The following MYH9 variants were observed in gnomAD, a reference collection of about 807,000 sequenced individuals.
MYH9 encodes myosin heavy chain 9.
In MYH9, 29 loss-of-function variants were observed where a neutral mutation model predicts 241.9. The observed-to-expected ratio is 0.12, with a 90% CI of 0.09 to 0.16. The LOEUF (loss-of-function observed/expected upper bound fraction) is 0.16. Among genes scored for constraint, MYH9 ranks in the 10% least tolerant of loss-of-function variants. MYH9 has a pLI of 1.00. For missense variants in MYH9, 1,803 were observed against 2,595.5 expected, an observed-to-expected ratio of 0.69 and a Z score of 6.63; for synonymous variants, 1,047 against 1,062.6, an observed-to-expected ratio of 0.99 and a Z score of 0.29.
At chr22:36,321,106 C>T (rs2017244038) in intron 7 of MYH9, among the ~76,000 whole-genome samples, 1 of 152,142 alleles carries the variant, frequency 6.6e-6, no homozygotes, top group Non-Finnish European at 1.5e-5. Context: ...GCGCCCACCA[C>T]CACACCCAGC....
At chr22:36,356,151 A>G (rs2017851936) in intron 1 of MYH9, among the ~76,000 whole-genome samples, 1 of 152,184 alleles carries the variant, frequency 6.6e-6, no homozygotes, top group African/African-American at 2.4e-5. Flanking sequence ...GTATGCAAGC[A>G]GCCCCTCTGT....
intron 1 of MYH9, among the ~76,000 whole-genome samples, chr22:36,366,114 GGAGGCA>G (rs1039154464): frequency 6.6e-6 from 1 of 152,088 alleles, no homozygotes; most frequent in African/African-American, 2.4e-5. Flanking sequence ...CTTGAACCTG[GGAGGCA>G]GAATTTGCAG....
chr22:36,296,075 T>C (rs1266357468), intron 25 of MYH9, among the ~76,000 whole-genome samples: 2 of 152,196 alleles, frequency 1.3e-5, no homozygotes, highest in Non-Finnish European at 2.9e-5. Context: ...GGACTTTAGA[T>C]GGTTATGACA....
intron 1 of MYH9, among the ~76,000 whole-genome samples, chr22:36,373,380 C>T (rs2018117722): frequency 6.6e-6 from 1 of 152,120 alleles, no homozygotes; most frequent in African/African-American, 2.4e-5. Context: ...CACTTCCTCC[C>T]AGTGGGTTTT....
chr22:36,290,911 C>T (rs1569534870), intron 31 of MYH9, among the ~76,000 whole-genome samples: 1 of 151,820 alleles, frequency 6.6e-6, no homozygotes, highest in African/African-American at 2.4e-5. Context: ...CTCTGCCTGG[C>T]AACCGCCCCG....
chr22:36,343,811 G>C (rs2017629957), intron 2 of MYH9, among the ~76,000 whole-genome samples: 1 of 152,198 alleles, frequency 6.6e-6, no homozygotes, highest in East Asian at 1.9e-4. Flanking sequence ...TGAATGTTGA[G>C]TGGGGACAAG....
chr22:36,354,889 G>A (rs1295044262), intron 1 of MYH9, among the ~76,000 whole-genome samples: 1 of 150,306 alleles, frequency 6.7e-6, no homozygotes, highest in Non-Finnish European at 1.5e-5. Context: ...TGAGCAGGAT[G>A]TACATGTGAA....
chr22:36,304,218 GC>G (rs1452239366), intron 18 of MYH9, 63 bp from the exon 19 acceptor site: 1 of 1,574,602 alleles, frequency 6.4e-7, no homozygotes, highest in African/African-American at 1.3e-5. Flanking sequence ...TGAAAGGGTG[GC>G]CCAGGCACAG....
intron 21 of MYH9, 33 bp from the exon 22 acceptor site, chr22:36,301,090 C>A (rs749904502): frequency 6.3e-7 from 1 of 1,592,278 alleles, no homozygotes; most frequent in Non-Finnish European, 8.5e-7. Context: ...ACAAGCTCCT[C>A]GCAACACCCT....
At chr22:36,296,778 C>G in intron 25 of MYH9, 65 bp downstream of exon 25, 1 of 1,517,290 alleles carries the variant, frequency 6.6e-7, no homozygotes, top group East Asian at 2.3e-5. Context: ...AGAACTAGGG[C>G]CAGCAGCAAG....
intron 3 of MYH9, among the ~76,000 whole-genome samples, chr22:36,332,193 C>T (rs892664992): frequency 1.3e-5 from 2 of 152,180 alleles, no homozygotes; most frequent in Non-Finnish European, 2.9e-5. Flanking sequence ...AAGAAAGGGC[C>T]GCGACACTCT....
In MYH9 at chr22:36,314,060, C is replaced by T. The variant is rs1393048824; in HGVS notation, c.1554+85G>A. ...AGGGGAGTTAAGACACCTCCACAACCAACACAGAGCTGAGGTGAGGAGCGG... is the reference window on the plus strand; with the variant it reads ...AGGGGAGTTAAGACACCTCCACAACTAACACAGAGCTGAGGTGAGGAGCGG... On this transcript the variant is annotated intron_variant, in intron 13 of 40. Coordinates refer to ENST00000216181, the MANE Select transcript of MYH9 (RefSeq NM_002473.6). 7.3e-6 allele frequency: 11 copies of T among 1,505,454 alleles called. No homozygotes were observed. In the Admixed American group the frequency reaches 1.9e-4, roughly 26 times the overall value. 93.3% of individuals were successfully genotyped at this position (1,505,454 alleles called of 1,614,324 possible). A position where few individuals can be genotyped will look rare whatever the true frequency, so the allele number is the denominator to read the frequency against.
chr22:36,377,631 C>T (rs990342561), intron 1 of MYH9, among the ~76,000 whole-genome samples: 1 of 152,110 alleles, frequency 6.6e-6, no homozygotes, highest in Non-Finnish European at 1.5e-5. Context: ...TGAACCTGGC[C>T]GGGTGCGGTG....
At chr22:36,286,424 G>A (rs1347177512) in intron 35 of MYH9, among the ~76,000 whole-genome samples, 1 of 152,174 alleles carries the variant, frequency 6.6e-6, no homozygotes, top group Non-Finnish European at 1.5e-5. Context: ...GGCGGCCGAG[G>A]GGACGCTCAG....
chr22:36,344,561 A>G (rs542585275), intron 2 of MYH9, among the ~76,000 whole-genome samples: 3 of 152,356 alleles, frequency 2.0e-5, no homozygotes, highest in Admixed American at 6.5e-5. Flanking sequence ...GAGGCCATCA[A>G]TGGGCCTCTT....
At chr22:36,301,842 AC>A in intron 20 of MYH9, 177 bp from the exon 21 acceptor site, 1 of 742,272 alleles carries the variant, frequency 1.3e-6, no homozygotes, top group South Asian at 1.7e-5. Flanking sequence ...CGGGCTTCTG[AC>A]CCGCTAACTA....
intron 1 of MYH9, among the ~76,000 whole-genome samples, chr22:36,355,863 C>T (rs1168381095): frequency 6.6e-6 from 1 of 152,154 alleles, no homozygotes; most frequent in Non-Finnish European, 1.5e-5. Flanking sequence ...ATTAATTAAG[C>T]AGACATTGAT....
intron 23 of MYH9, among the ~76,000 whole-genome samples, 198 bp downstream of exon 23, chr22:36,299,929 C>T (rs1336991400): frequency 6.6e-6 from 1 of 152,128 alleles, no homozygotes; most frequent in Non-Finnish European, 1.5e-5. Context: ...CCCCAGGGCC[C>T]CTTTGCTTAT....
chr22:36,340,831 G>C (rs998479393), intron 3 of MYH9, among the ~76,000 whole-genome samples: 1 of 152,102 alleles, frequency 6.6e-6, no homozygotes, highest in African/African-American at 2.4e-5. Context: ...AGGGCGAGGG[G>C]AGTGACCAGG....
Sources: allele counts gnomAD v4.1 joint callset (sites outside exome capture counted in the v4.1 genomes callset), GRCh38; gene constraint gnomAD v4.1.1; transcripts MANE v1.5; gene names NCBI Gene and HGNC (gene_info 2026-07-23, HGNC 2026-07-21).